The following ARHGAP35 variants were observed in gnomAD, a reference collection of about 807,000 sequenced individuals.
The protein encoded by ARHGAP35 is rho GTPase-activating protein 35.
ARHGAP35 carries 15 observed loss-of-function variants against 111.1 expected under a neutral mutation model. The ratio of observed to expected loss-of-function variants is 0.13; its 90% CI spans 0.09 to 0.21. The LOEUF is 0.21. Among genes scored for constraint, ARHGAP35 ranks in the 10% least tolerant of loss-of-function variants. The pLI is 1.00. For synonymous variants in ARHGAP35, 643 were observed against 710.3 expected, an observed-to-expected ratio of 0.91 and a Z score of 1.51; for missense variants, 1,262 against 1,873.0, an observed-to-expected ratio of 0.67 and a Z score of 6.02.
intron 5 of ARHGAP35, among the ~76,000 whole-genome samples, chr19:46,996,088 G>A (rs1046095214): frequency 1.9e-4 from 29 of 152,226 alleles, no homozygotes; most frequent in African/African-American, 6.7e-4. Flanking sequence ...TGGGATTCTA[G>A]GGGGCAGCCC....
At chr19:46,937,963 C>G (rs1215870672) in intron 3 of ARHGAP35, among the ~76,000 whole-genome samples, 1 of 152,194 alleles carries the variant, frequency 6.6e-6, no homozygotes, top group Non-Finnish European at 1.5e-5. Flanking sequence ...GATGCTATCA[C>G]AAAGGTAGAC....
chr19:46,958,796 C>G (rs1344138284), intron 3 of ARHGAP35, among the ~76,000 whole-genome samples: 1 of 152,210 alleles, frequency 6.6e-6, no homozygotes, highest in Non-Finnish European at 1.5e-5. Flanking sequence ...CAATTGCATG[C>G]CTTCTCTGAC....
chr19:46,942,181 A>C (rs577183237), intron 3 of ARHGAP35, among the ~76,000 whole-genome samples: 1 of 152,238 alleles, frequency 6.6e-6, no homozygotes, highest in Non-Finnish European at 1.5e-5. Flanking sequence ...AGAGGAACTC[A>C]AAGATTCGTG....
chr19:46,874,810 CTTT>C (rs537873271), intron 1 of ARHGAP35, among the ~76,000 whole-genome samples: 4 of 88,148 alleles, frequency 4.5e-5, no homozygotes, highest in Non-Finnish European at 2.2e-5. Flanking sequence ...CAGTTTTGTC[CTTT>C]TTTTTTTTTT....
chr19:46,998,108 A>G (rs1599875154), intron 5 of ARHGAP35, among the ~76,000 whole-genome samples: 1 of 152,034 alleles, frequency 6.6e-6, no homozygotes, highest in Non-Finnish European at 1.5e-5. Context: ...TCTCAAAAAA[A>G]AAAAGAAAAA....
At chr19:46,876,927 C>T (rs2055926133) in intron 1 of ARHGAP35, among the ~76,000 whole-genome samples, 4 of 152,118 alleles carry the variant, frequency 2.6e-5, no homozygotes, top group Admixed American at 1.3e-4. Flanking sequence ...GCCAGTCACA[C>T]GAAGTTTTTC....
chr19:46,965,549 G>T (rs2056510334), intron 3 of ARHGAP35, among the ~76,000 whole-genome samples: 1 of 152,096 alleles, frequency 6.6e-6, no homozygotes, highest in Non-Finnish European at 1.5e-5. Context: ...CCGTGGCACA[G>T]TCATGGCTCA....
intron 1 of ARHGAP35, among the ~76,000 whole-genome samples, chr19:46,909,341 C>T (rs2056126515): frequency 6.6e-6 from 1 of 152,060 alleles, no homozygotes; most frequent in Non-Finnish European, 1.5e-5. Context: ...AGATTATTTT[C>T]AAAACAGGCA....
At chr19:46,971,818 T>A (rs950753235) in intron 3 of ARHGAP35, among the ~76,000 whole-genome samples, 2 of 151,872 alleles carry the variant, frequency 1.3e-5, no homozygotes, top group African/African-American at 4.8e-5. Context: ...GTTTTATCCT[T>A]CCCTACAGAG....
In ARHGAP35 at chr19:46,866,577, G is replaced by A. The variant is rs150246261; in HGVS notation, c.-189+5368G>A. The stretch of plus-strand genomic sequence containing the variant: ...CTGATTGTAGATTCTTGTTGTCCTG[G>A]GTCACTTACCAAGTTAGAGTTGGAG... On this transcript the variant is annotated intron_variant, in intron 1 of 6. Transcript: ENST00000672722. Among the ~76,000 whole-genome samples the A allele has an allele frequency of 4.3e-3, 661 of 152,144 alleles. 5 individuals carry two copies. Among genetic ancestry groups the A allele is most frequent in the African/African-American group, 0.015 (611 of 41,506 alleles).
At chr19:46,869,182 C>T (rs192304200) in intron 1 of ARHGAP35, among the ~76,000 whole-genome samples, 1 of 152,228 alleles carries the variant, frequency 6.6e-6, no homozygotes, top group East Asian at 1.9e-4. Flanking sequence ...GCTGGGATTA[C>T]AGGCCTGAGA....
chr19:46,925,719 A>C (rs916333196), intron 2 of ARHGAP35, among the ~76,000 whole-genome samples: 7 of 152,196 alleles, frequency 4.6e-5, no homozygotes, highest in African/African-American at 1.7e-4. Flanking sequence ...AATCTGGGCT[A>C]CAGTCAACTC....
chr19:46,869,476 TTGTG>T (rs36048282), intron 1 of ARHGAP35, among the ~76,000 whole-genome samples: 2,282 of 144,286 alleles, frequency 0.016, 21 homozygotes, highest in East Asian at 0.028. Context: ...AGAAAAAAAA[TTGTG>T]TGTGTGTGTG....
intron 3 of ARHGAP35, among the ~76,000 whole-genome samples, chr19:46,978,943 G>T (rs1288790721): frequency 7.3e-6 from 1 of 136,162 alleles, no homozygotes; most frequent in Non-Finnish European, 1.6e-5. Context: ...GTGGTGGGCT[G>T]TGTGTGTGTG....
chr19:46,890,395 T>C (rs1457159287), intron 1 of ARHGAP35, among the ~76,000 whole-genome samples: 1 of 152,266 alleles, frequency 6.6e-6, no homozygotes, highest in Non-Finnish European at 1.5e-5. Flanking sequence ...ATTTGTCATG[T>C]ATTTATATGC....
intron 3 of ARHGAP35, among the ~76,000 whole-genome samples, chr19:46,957,569 C>T (rs902704769): frequency 2.0e-5 from 3 of 152,162 alleles, no homozygotes; most frequent in African/African-American, 4.8e-5. Flanking sequence ...GCTGCGATCA[C>T]GCTACTGCAT....
At chr19:46,961,008 C>T (rs1465074541) in intron 3 of ARHGAP35, among the ~76,000 whole-genome samples, 1 of 151,924 alleles carries the variant, frequency 6.6e-6, no homozygotes, top group Non-Finnish European at 1.5e-5. Context: ...GATTCTCCTG[C>T]CCCAGCCTCC....
In ARHGAP35 at chr19:46,999,485, CTCTG is replaced by C. The variant is rs1444034011; in HGVS notation, c.4142+79_4142+82del. On this transcript the variant is annotated intron_variant, in intron 6 of 6. Coordinates refer to ENST00000672722, the MANE Select transcript of ARHGAP35 (RefSeq NM_004491.5). The surrounding 1 kb of genome is among the most constrained non-coding windows in gnomAD (Gnocchi z 5.4). ...AGGGTCAGTGTGTCGCAGAACAAGG[CTCTG>C]TCCACAAGCCAGTAGAAGCCTCAGG... The C allele has an allele frequency of 6.9e-6, 7 of 1,016,892 alleles. No homozygotes were observed. The highest frequency in any genetic ancestry group is 4.8e-5 in the African/African-American group (3 of 62,526). The allele number at this position is 1,016,892 out of a possible 1,614,324, so 63.0% of individuals were successfully genotyped here. A position where few individuals can be genotyped will look rare whatever the true frequency, so the allele number is the denominator to read the frequency against.
intron 1 of ARHGAP35, among the ~76,000 whole-genome samples, chr19:46,891,188 T>A (rs1462713586): frequency 3.3e-5 from 5 of 152,182 alleles, no homozygotes; most frequent in African/African-American, 1.2e-4. Context: ...CCTCCAGGAC[T>A]TCTGCCACAT....
Sources: gnomAD v4.1 joint callset for allele counts (sites outside exome capture counted in the v4.1 genomes callset) on GRCh38, gnomAD v4.1.1 for gene constraint, Gnocchi (gnomAD v3.1) non-coding constraint, MANE v1.5 for transcripts, NCBI Gene and HGNC (gene_info 2026-07-23, HGNC 2026-07-21) for gene names.